Variants in SEC61A1 observed in about 807,000 individuals in gnomAD.
The protein encoded by SEC61A1 is protein transport protein Sec61 subunit alpha isoform 1.
SEC61A1 carries 15 observed loss-of-function variants against 55.2 expected under a neutral mutation model. That is an observed-to-expected ratio of 0.27 (90% CI 0.18 to 0.42). The LOEUF is 0.42. Ranked by LOEUF, SEC61A1 falls within the 10% of genes least tolerant of loss-of-function variation. SEC61A1 has a pLI of 1.00. For missense variants in SEC61A1, 284 were observed against 602.6 expected (o/e 0.47, Z 5.53); for synonymous variants, 247 against 234.0 (o/e 1.06, Z -0.51).
chr3:128,067,304 A>T lies in SEC61A1; in HGVS notation c.976-117A>T, dbSNP rs1942010621. Reference sequence around the variant, plus strand: ...ATTAAATTATCTTTTCAGTAAAAAAATTGTACTGTGGGCACCGAGTAAAAT... The same window carrying T: ...ATTAAATTATCTTTTCAGTAAAAAATTTGTACTGTGGGCACCGAGTAAAAT... On this transcript the variant is annotated intron_variant, in intron 9 of 11. Coordinates refer to ENST00000243253, the MANE Select transcript of SEC61A1 (RefSeq NM_013336.4). The surrounding 1 kb of genome is among the most constrained non-coding windows in gnomAD (Gnocchi z 4.1). The T allele has an allele frequency of 2.3e-6, 3 of 1,315,992 alleles. No homozygotes were observed. The highest frequency in any genetic ancestry group is 2.3e-5 in the East Asian group (1 of 43,304). The allele number at this position is 1,315,992 out of a possible 1,614,324, so 81.5% of individuals were successfully genotyped here.
chr3:128,054,556 G>T (rs1334457786), intron 2 of SEC61A1, among the ~76,000 whole-genome samples: 3 of 152,236 alleles, frequency 2.0e-5, no homozygotes, highest in Non-Finnish European at 4.4e-5. Context: ...TGCATGTATA[G>T]TTAGAGGACT....
chr3:128,055,866 G>C, intron 4 of SEC61A1, 115 bp downstream of exon 4: 1 of 841,434 alleles, frequency 1.2e-6, no homozygotes, highest in Non-Finnish European at 2.0e-6. Flanking sequence ...GGAAAATAGA[G>C]TGAAGAATGT....
At chr3:128,064,779 A>T in intron 7 of SEC61A1, 98 bp from the exon 8 acceptor site, 1 of 1,065,426 alleles carries the variant, frequency 9.4e-7, no homozygotes, top group Non-Finnish European at 1.4e-6. Context: ...CTAATAACTT[A>T]AGTTTGTTTT....
At chr3:128,063,581 C>T (rs940247967) in intron 7 of SEC61A1, among the ~76,000 whole-genome samples, 4 of 152,178 alleles carry the variant, frequency 2.6e-5, no homozygotes, top group African/African-American at 4.8e-5. Flanking sequence ...GTGATCCGCC[C>T]GCGTCAGTCT....
intron 8 of SEC61A1, 182 bp from the exon 9 acceptor site, chr3:128,066,772 A>C: frequency 1.7e-6 from 1 of 601,694 alleles, no homozygotes; most frequent in South Asian, 2.1e-5. Context: ...TGGATGTGCC[A>C]AGTGCAGGAG....
chr3:128,052,617 C>A lies in SEC61A1; in HGVS notation c.7+58C>A, dbSNP rs1418328706. The A allele has an allele frequency of 3.2e-6, 5 of 1,566,344 alleles. No homozygotes were observed. In the African/African-American group the frequency reaches 5.4e-5, roughly 17 times the overall value. ...GGACGGAACAGATCCCCCTTCCCCACACCCGTGCGGTCGGGCGCCCGCCGG... is the reference window on the plus strand; with the variant it reads ...GGACGGAACAGATCCCCCTTCCCCAAACCCGTGCGGTCGGGCGCCCGCCGG... On this transcript the variant is annotated intron_variant, in intron 1 of 11. Transcript: ENST00000243253.
Position 128,052,664 on chromosome 3 carries a change from C to T in SEC61A1, c.7+105C>T, listed in dbSNP as rs749803139. On this transcript the variant is annotated intron_variant, in intron 1 of 11. Transcript: ENST00000243253. The stretch of plus-strand genomic sequence containing the variant: ...CCGGCCAACCCTGACCGGCCCCCTG[C>T]AGAACGCGGCCCGTGCCCCCGGCCC... 168 of 1,539,554 alleles carry T rather than the reference C, an allele frequency of 1.1e-4. 1 individual carries two copies. Among genetic ancestry groups the T allele is most frequent in the Non-Finnish European group, 1.4e-4 (164 of 1,139,158 alleles).
At chr3:128,066,771 C>CA in intron 8 of SEC61A1, 183 bp from the exon 9 acceptor site, 1 of 598,642 alleles carries the variant, frequency 1.7e-6, no homozygotes, top group Non-Finnish European at 3.0e-6. Context: ...CTGGATGTGC[C>CA]AAGTGCAGGA....
At chr3:128,057,596 C>T (rs1389530372) in intron 5 of SEC61A1, among the ~76,000 whole-genome samples, 2 of 38 alleles carry the variant, frequency 0.053, no homozygotes, top group Non-Finnish European at 0.083. Flanking sequence ...GTGGCTCACG[C>T]CTGTAACCCC....
rs747574424 is a variant in SEC61A1, at chr3:128,055,790, G to A, written c.220+39G>A. ...TCTGTCTTTTCTCTGTAGAGTGTAG[G>A]CTTACCTAGCTTCACTTAGTTAAAT... On this transcript the variant is annotated intron_variant, in intron 4 of 11. Coordinates refer to ENST00000243253, the MANE Select transcript of SEC61A1 (RefSeq NM_013336.4). 2.0e-6 allele frequency: 3 copies of A among 1,478,456 alleles called. No individual in the cohort carries two copies. The Admixed American group carries it at 5.2e-5, about 25-fold the overall frequency. The allele number at this position is 1,478,456 out of a possible 1,614,324, so 91.6% of individuals were successfully genotyped here. A position where few individuals can be genotyped will look rare whatever the true frequency, so the allele number is the denominator to read the frequency against.
Position 128,067,958 on chromosome 3 carries a change from C to T in SEC61A1, c.1168-25C>T. 1.2e-6 allele frequency: 2 copies of T among 1,608,192 alleles called. No individual in the cohort carries two copies. The highest frequency in any genetic ancestry group is 1.7e-6 in the Non-Finnish European group (2 of 1,174,854). ...TTTCCCCTTCAGCCTCCAATTCCAA[C>T]TTCTCCCCTGTGGGCACCCTGCAGG... On this transcript the variant is annotated intron_variant, in intron 10 of 11. Transcript: ENST00000243253. This position sits in a 1 kb window ranked among gnomAD's most constrained non-coding sequence, Gnocchi z 4.1.
intron 8 of SEC61A1, 142 bp from the exon 9 acceptor site, chr3:128,066,812 C>G: frequency 1.4e-6 from 1 of 712,892 alleles, no homozygotes; most frequent in Non-Finnish European, 2.4e-6. Flanking sequence ...TGGGCACAAG[C>G]TCTCGGAACT....
chr3:128,066,888 C>T, intron 8 of SEC61A1, 66 bp from the exon 9 acceptor site: 1 of 1,522,656 alleles, frequency 6.6e-7, no homozygotes, highest in Non-Finnish European at 9.1e-7. Flanking sequence ...CCCGGCCGGG[C>T]TGTGTTTCTG....
chr3:128,061,497 T>C (rs1941853006), intron 7 of SEC61A1, among the ~76,000 whole-genome samples: 1 of 152,198 alleles, frequency 6.6e-6, no homozygotes, highest in Admixed American at 6.5e-5. Flanking sequence ...GAGTTTTCTT[T>C]TAATTGAATG....
At chr3:128,064,212 C>T (rs945043199) in intron 7 of SEC61A1, among the ~76,000 whole-genome samples, 4 of 152,208 alleles carry the variant, frequency 2.6e-5, no homozygotes, top group Non-Finnish European at 4.4e-5. Flanking sequence ...CAGCTCTGAG[C>T]CCCCTCTTCA....
At chr3:128,063,326 A>G (rs1243950356) in intron 7 of SEC61A1, among the ~76,000 whole-genome samples, 1 of 152,196 alleles carries the variant, frequency 6.6e-6, no homozygotes, top group East Asian at 1.9e-4. Flanking sequence ...GCCATCAAAT[A>G]CAGTCCCTAT....
intron 5 of SEC61A1, among the ~76,000 whole-genome samples, chr3:128,057,730 AG>A (rs57721840): frequency 1 from 152,158 of 152,158 alleles, 76,079 homozygotes; most frequent in Non-Finnish European, 1. Flanking sequence ...CGTGGTGACA[AG>A]GTGCCTTAAT....
At position 128,069,712 on chromosome 3, in the gene SEC61A1, G is replaced by A. The variant is rs754254454; in HGVS notation, c.*50G>A. ...AAGCTGCTCCAGAAGCGCCTCGGAA[G>A]GGGAGCTCTCATCATGGCGCGTGCT... On this transcript the variant is annotated 3_prime_UTR_variant, in exon 12 of 12. Transcript: ENST00000243253. 9.1e-6 allele frequency: 14 copies of A among 1,542,288 alleles called. No individual in the cohort carries two copies. Among genetic ancestry groups the A allele is most frequent in the Non-Finnish European group, 1.3e-5 (14 of 1,119,492 alleles).
upstream of SEC61A1, among the ~76,000 whole-genome samples, chr3:128,052,161 C>G (rs1227932307): frequency 3.3e-5 from 5 of 152,182 alleles, no homozygotes; most frequent in Non-Finnish European, 7.4e-5. Flanking sequence ...CAGCCCCAGT[C>G]TCGGGAGGCG....
Sources: allele counts gnomAD v4.1 joint callset (sites outside exome capture counted in the v4.1 genomes callset), GRCh38; gene constraint gnomAD v4.1.1; non-coding constraint Gnocchi (gnomAD v3.1); transcripts MANE v1.5; gene names NCBI Gene and HGNC (gene_info 2026-07-23, HGNC 2026-07-21).